UBTD1: variants seen among roughly 807,000 people sequenced by gnomAD.
UBTD1 encodes the protein ubiquitin domain containing 1.
Under a neutral mutation model 21.7 loss-of-function variants are expected in UBTD1, and 19 were observed. The observed-to-expected ratio is 0.87, with a 90% CI of 0.61 to 1.28. The LOEUF is 1.28. Ranked by LOEUF, UBTD1 falls within the 50% of genes most tolerant of loss-of-function variation. The probability of loss-of-function intolerance (pLI) is 0.00; values close to 1 mark genes in which losing one functional copy is unlikely to be tolerated. For missense variants in UBTD1, 282 were observed against 315.1 expected, an observed-to-expected ratio of 0.89 and a Z score of 0.80; for synonymous variants, 116 against 135.1, an observed-to-expected ratio of 0.86 and a Z score of 0.98.
chr10:97,499,036 C>T lies in UBTD1; in HGVS notation c.-168C>T. Reference sequence around the variant, plus strand: ...CTGCCACTTCCCTCTCTCCCCTGGCCCGCAAAGTTTTGGCGGAGCCATCGC... The same window carrying T: ...CTGCCACTTCCCTCTCTCCCCTGGCTCGCAAAGTTTTGGCGGAGCCATCGC... On this transcript the variant is annotated 5_prime_UTR_variant, in exon 1 of 3. Coordinates refer to ENST00000370664, the MANE Select transcript of UBTD1 (RefSeq NM_024954.5). 1 of 745,630 alleles carries T rather than the reference C, an allele frequency of 1.3e-6. No individual in the cohort carries two copies. Among genetic ancestry groups the T allele is most frequent in the Non-Finnish European group, 2.1e-6 (1 of 484,178 alleles). The allele number at this position is 745,630 out of a possible 1,614,324, so 46.2% of individuals were successfully genotyped here. A position where few individuals can be genotyped will look rare whatever the true frequency, so the allele number is the denominator to read the frequency against.
rs564376575 is a variant in UBTD1 at position 97,526,667 on chromosome 10, A to G, written c.70+27394A>G. 9.9e-5 allele frequency among the ~76,000 whole-genome samples: 15 copies of G among 152,132 alleles called. No homozygotes were observed. The East Asian group carries it at 2.9e-3, about 30-fold the overall frequency. ...GGAATTCAAGACCAGCCTGGCCAAC[A>G]TGGTGAAACCCCATCTCTACTAAAA... On this transcript the variant is annotated intron_variant, in intron 1 of 2. Transcript: ENST00000370664.
chr10:97,499,171 C>T lies in UBTD1; in HGVS notation c.-33C>T. 1.3e-6 allele frequency: 2 copies of T among 1,512,348 alleles called. No individual in the cohort carries two copies. The highest frequency in any genetic ancestry group is 2.9e-5 in the African/African-American group (2 of 69,756). 93.7% of individuals were successfully genotyped at this position (1,512,348 alleles called of 1,614,324 possible). A position where few individuals can be genotyped will look rare whatever the true frequency, so the allele number is the denominator to read the frequency against. ...GCTGAGCAGCCGACCACCCCGCCGCCTCCGGTGCATGGGGACTGGCTGAGG... is the reference window on the plus strand; with the variant it reads ...GCTGAGCAGCCGACCACCCCGCCGCTTCCGGTGCATGGGGACTGGCTGAGG... On this transcript the variant is annotated 5_prime_UTR_variant, in exon 1 of 3. Transcript: ENST00000370664.
chr10:97,566,517 C>T (rs893054067), intron 1 of UBTD1, among the ~76,000 whole-genome samples: 5 of 152,236 alleles, frequency 3.3e-5, no homozygotes, highest in African/African-American at 4.8e-5. Context: ...AACCCTCACT[C>T]ACTTACTATG....
chr10:97,526,563 A>G (rs572454125), intron 1 of UBTD1, among the ~76,000 whole-genome samples: 1 of 152,272 alleles, frequency 6.6e-6, no homozygotes, highest in Admixed American at 6.5e-5. Flanking sequence ...CCTTCATTCA[A>G]GACTCCTTAA....
At chr10:97,567,432 G>A (rs1440091323) in intron 1 of UBTD1, among the ~76,000 whole-genome samples, 4 of 149,510 alleles carry the variant, frequency 2.7e-5, no homozygotes, top group Non-Finnish European at 6.0e-5. Context: ...AGGCTGAGGC[G>A]GGTGGATCAC....
At chr10:97,539,771 G>C (rs987490469) in intron 1 of UBTD1, among the ~76,000 whole-genome samples, 7 of 152,098 alleles carry the variant, frequency 4.6e-5, no homozygotes, top group African/African-American at 1.7e-4. Context: ...CCTGGTGGGA[G>C]GCTGGGGATA....
intron 1 of UBTD1, among the ~76,000 whole-genome samples, chr10:97,513,908 C>T (rs1354577745): frequency 2.6e-5 from 4 of 151,970 alleles, no homozygotes; most frequent in Non-Finnish European, 5.9e-5. Context: ...GATGGGGTCT[C>T]GCCGTGTTGC....
chr10:97,517,181 G>T (rs1452103540), intron 1 of UBTD1, among the ~76,000 whole-genome samples: 1 of 152,146 alleles, frequency 6.6e-6, no homozygotes, highest in South Asian at 2.1e-4. Flanking sequence ...AGGAGGTCCC[G>T]AACTTTGGCG....
intron 1 of UBTD1, among the ~76,000 whole-genome samples, chr10:97,515,315 A>G (rs1186087021): frequency 6.6e-6 from 1 of 152,194 alleles, no homozygotes; most frequent in African/African-American, 2.4e-5. Context: ...TAGAGAGAGT[A>G]TTTGTCGAGC....
chr10:97,561,190 A>G (rs1011744966), intron 1 of UBTD1, among the ~76,000 whole-genome samples: 5 of 152,050 alleles, frequency 3.3e-5, no homozygotes, highest in African/African-American at 1.2e-4. Context: ...CCTACCCGGG[A>G]GCGCTCTTTG....
At chr10:97,516,738 T>A (rs1372686648) in intron 1 of UBTD1, among the ~76,000 whole-genome samples, 1 of 151,574 alleles carries the variant, frequency 6.6e-6, no homozygotes, top group Non-Finnish European at 1.5e-5. Context: ...GCCACTGCAC[T>A]CCAGCCTGGG....
chr10:97,539,781 A>C (rs2040579317), intron 1 of UBTD1, among the ~76,000 whole-genome samples: 1 of 151,964 alleles, frequency 6.6e-6, no homozygotes, highest in Non-Finnish European at 1.5e-5. Flanking sequence ...GGCTGGGGAT[A>C]TGATGTGTGG....
chr10:97,568,152 A>G lies in UBTD1; in HGVS notation c.298+11A>G. 6.2e-7 allele frequency: 1 copy of G among 1,613,288 alleles called. No homozygotes were observed. The highest frequency in any genetic ancestry group is 8.5e-7 in the Non-Finnish European group (1 of 1,179,894). On this transcript the variant is annotated intron_variant, in intron 2 of 2. Coordinates refer to ENST00000370664, the MANE Select transcript of UBTD1 (RefSeq NM_024954.5). ...TCACCCTGCCTCATGGTAAGTGGGC[A>G]GGGCCAGGGCTTTATCCCCGCTGGA...
chr10:97,560,153 CTT>C (rs1248058182), intron 1 of UBTD1, among the ~76,000 whole-genome samples: 1 of 151,928 alleles, frequency 6.6e-6, no homozygotes, highest in Non-Finnish European at 1.5e-5. Context: ...TAAACAACCA[CTT>C]AATTTATTTC....
chr10:97,526,989 T>C (rs1051995312), intron 1 of UBTD1, among the ~76,000 whole-genome samples: 3 of 143,406 alleles, frequency 2.1e-5, no homozygotes, highest in Non-Finnish European at 4.6e-5. Context: ...CTGGGCAACA[T>C]AGGAAAACCC....
At chr10:97,546,620 C>T (rs973507088) in intron 1 of UBTD1, among the ~76,000 whole-genome samples, 3 of 148,906 alleles carry the variant, frequency 2.0e-5, no homozygotes, top group Non-Finnish European at 4.5e-5. Flanking sequence ...GACAGAAGAC[C>T]AGGGCACGCA....
intron 1 of UBTD1, among the ~76,000 whole-genome samples, chr10:97,563,138 C>T (rs111446162): frequency 0.016 from 2,439 of 152,126 alleles, 66 homozygotes; most frequent in African/African-American, 0.056. Context: ...AAACGGAAGA[C>T]ACAAGGTCCA....
intron 1 of UBTD1, among the ~76,000 whole-genome samples, chr10:97,563,118 T>C (rs141928066): frequency 0.013 from 1,944 of 152,170 alleles, 53 homozygotes; most frequent in African/African-American, 0.045. Flanking sequence ...TTTGTATGAA[T>C]TGAGAAACTA....
rs536548733 is a variant in UBTD1 at position 97,570,934 on chromosome 10, C to G, written c.*411C>G. ...CCATCCCCTGGCTCTCCCCTGGGCA[C>G]AGTGCCACTCCCTTGGAAGGGAGGG... On this transcript the variant is annotated 3_prime_UTR_variant, in exon 3 of 3. Transcript: ENST00000370664. The surrounding 1 kb of genome is among the most constrained non-coding windows in gnomAD (Gnocchi z 6.6). 4.0e-5 allele frequency: 7 copies of G among 176,752 alleles called. No homozygotes were observed. Among genetic ancestry groups the G allele is most frequent in the Admixed American group, 1.1e-4 (2 of 18,418 alleles). The allele number at this position is 176,752 out of a possible 1,614,324, so 10.9% of individuals were successfully genotyped here.
Sources: allele counts gnomAD v4.1 joint callset (sites outside exome capture counted in the v4.1 genomes callset), GRCh38; gene constraint gnomAD v4.1.1; non-coding constraint Gnocchi (gnomAD v3.1); transcripts MANE v1.5; gene names NCBI Gene and HGNC (gene_info 2026-07-23, HGNC 2026-07-21).